CCDC141: variants seen among roughly 807,000 people sequenced by gnomAD.
The protein encoded by CCDC141 is coiled-coil domain-containing protein 141.
In CCDC141, 168 loss-of-function variants were observed where a neutral mutation model predicts 181.0. The ratio of observed to expected loss-of-function variants is 0.93; its 90% CI spans 0.82 to 1.05. The LOEUF is 1.05. CCDC141 is among the 50% of genes least tolerant of loss of function. CCDC141 has a pLI of 0.00. For missense variants in CCDC141, 1,902 were observed against 1,788.5 expected (o/e 1.06, Z -1.14); for synonymous variants, 666 against 642.3 (o/e 1.04, Z -0.56).
chr2:178,928,040 T>C (rs1230977749), intron 6 of CCDC141, among the ~76,000 whole-genome samples: 1 of 152,188 alleles, frequency 6.6e-6, no homozygotes, highest in Non-Finnish European at 1.5e-5. Flanking sequence ...TAAGGCTAAC[T>C]GGTAACAGAT....
the CCDC141 span, among the ~76,000 whole-genome samples, chr2:178,816,659 CAGTG>C: frequency 0.015 from 2,296 of 152,300 alleles, 60 homozygotes; most frequent in African/African-American, 0.052. Flanking sequence ...TTCCCACCAA[CAGTG>C]AGTGAGAGTT....
chr2:178,859,352 T>C (rs551847881), intron 17 of CCDC141, among the ~76,000 whole-genome samples: 15 of 152,110 alleles, frequency 9.9e-5, no homozygotes, highest in Non-Finnish European at 1.8e-4. Flanking sequence ...CCACATAACT[T>C]GTGGTCATAT....
At position 178,888,645 on chromosome 2, in the gene CCDC141, T is replaced by A. The variant is rs1558957239; in HGVS notation, c.1289A>T (p.Glu430Val). 1.3e-6 allele frequency: 2 copies of A among 1,550,736 alleles called. No homozygotes were observed. The highest frequency in any genetic ancestry group is 3.9e-5 in the Admixed American group (2 of 50,988). ...TCGTCTCTTAATGCACCCCATCATC[T>A]CATGGATGCCGGACACCTGAGAGCT... ...SCSSQVSGIHEMMGCIKRRVD... is the reference protein window; with the variant it reads ...SCSSQVSGIHVMMGCIKRRVD... The change falls in exon 9 of 24, where the codon GAG becomes GTG. Residue 430 changes from glutamate (E) to valine (V), a missense_variant. Coordinates refer to ENST00000443758, the MANE Select transcript of CCDC141 (RefSeq NM_173648.4).
intron 6 of CCDC141, among the ~76,000 whole-genome samples, chr2:178,934,015 C>T (rs2154376082): frequency 6.6e-6 from 1 of 152,252 alleles, no homozygotes; most frequent in East Asian, 1.9e-4. Context: ...GAAACTCCAA[C>T]ATTTTAAGAT....
intron 11 of CCDC141, among the ~76,000 whole-genome samples, chr2:178,884,677 A>AT (rs1405735050): frequency 6.6e-6 from 1 of 151,944 alleles, no homozygotes; most frequent in Non-Finnish European, 1.5e-5. Context: ...TGGGATTTTA[A>AT]TTTTTTCCCA....
intron 1 of CCDC141, among the ~76,000 whole-genome samples, chr2:179,049,411 C>T (rs997807219): frequency 5.9e-5 from 9 of 152,008 alleles, no homozygotes; most frequent in Admixed American, 4.6e-4. Flanking sequence ...CCCTGTCTGT[C>T]GGGACCTGCC....
rs371991595 is a variant in CCDC141 at position 178,868,053 on chromosome 2, G to A, written c.2547C>T (p.Val849=). ...HLHRLALSLG[V]DIISSVQRPH... ...GCCGCTGCACTGATGAGATGATGTC[G>A]ACTCCTAAGGAAAGGGCCAGTCTGT... is the stretch of plus-strand genomic sequence containing the variant. Residue 849 remains valine (V), a synonymous_variant, in exon 16 of 24, where the codon GTC becomes GTT. Coordinates refer to ENST00000443758, the MANE Select transcript of CCDC141 (RefSeq NM_173648.4). The A allele has an allele frequency of 1.4e-5, 22 of 1,613,518 alleles. No individual in the cohort carries two copies. Among genetic ancestry groups the A allele is most frequent in the East Asian group, 2.2e-5 (1 of 44,854 alleles).
intron 2 of CCDC141, among the ~76,000 whole-genome samples, chr2:179,039,849 A>G (rs2043246989): frequency 6.6e-6 from 1 of 152,216 alleles, no homozygotes; most frequent in African/African-American, 2.4e-5. Flanking sequence ...GGTTGAATTT[A>G]TGATCTATCC....
chr2:178,938,346 T>G (rs1371145669), intron 6 of CCDC141, among the ~76,000 whole-genome samples: 1 of 152,170 alleles, frequency 6.6e-6, no homozygotes, highest in Non-Finnish European at 1.5e-5. Flanking sequence ...TTAATTTCAC[T>G]AATTACCCAA....
intron 2 of CCDC141, among the ~76,000 whole-genome samples, chr2:179,038,437 G>A (rs1318010420): frequency 6.6e-6 from 1 of 152,114 alleles, no homozygotes; most frequent in Non-Finnish European, 1.5e-5. Flanking sequence ...ATACATAGTG[G>A]TGATGGTTGC....
chr2:178,821,175 G>A, the CCDC141 span, among the ~76,000 whole-genome samples: 1 of 152,052 alleles, frequency 6.6e-6, no homozygotes, highest in Non-Finnish European at 1.5e-5. Context: ...TGGGACTTTT[G>A]GGGGTGAATA....
At chr2:178,828,832 T>C (rs1684166230), downstream of CCDC141, among the ~76,000 whole-genome samples, 1 of 152,188 alleles carries the variant, frequency 6.6e-6, no homozygotes, top group Non-Finnish European at 1.5e-5. Flanking sequence ...ATTTCACTGA[T>C]TTTTTTATAC....
chr2:178,861,946 A>G (rs1030082243), intron 17 of CCDC141, among the ~76,000 whole-genome samples: 1 of 152,198 alleles, frequency 6.6e-6, no homozygotes, highest in African/African-American at 2.4e-5. Flanking sequence ...CCGTCTGTGC[A>G]AACTCTTTCT....
intron 14 of CCDC141, among the ~76,000 whole-genome samples, 191 bp from the exon 15 acceptor site, chr2:178,869,496 G>C (rs992801493): frequency 1.3e-5 from 2 of 152,122 alleles, no homozygotes; most frequent in South Asian, 4.1e-4. Flanking sequence ...ATACTCACCT[G>C]AGAAATTTAC....
At chr2:179,034,153 CTATG>C (rs2043074705) in intron 2 of CCDC141, among the ~76,000 whole-genome samples, 1 of 152,166 alleles carries the variant, frequency 6.6e-6, no homozygotes, top group African/African-American at 2.4e-5. Flanking sequence ...CCATGGAATA[CTATG>C]CAGCAATAAA....
intron 8 of CCDC141, among the ~76,000 whole-genome samples, chr2:178,898,289 T>A: frequency 6.6e-6 from 1 of 152,206 alleles, no homozygotes; most frequent in Non-Finnish European, 1.5e-5. Flanking sequence ...CCTTCCAGTT[T>A]TCCATCACGT....
At chr2:178,859,646 C>T (rs1340918861) in intron 17 of CCDC141, among the ~76,000 whole-genome samples, 4 of 152,170 alleles carry the variant, frequency 2.6e-5, no homozygotes, top group Non-Finnish European at 5.9e-5. Context: ...ATTTTCCCAT[C>T]TTTTCACATG....
Position 179,007,545 on chromosome 2 carries a change from T to C in CCDC141, c.226-28870A>G, listed in dbSNP as rs930820107. ...CTGAAGATCAGCTCTGTTTCCCCAATATCCACCTTCTGACTGCCCATTCAG... is the reference window on the plus strand; with the variant it reads ...CTGAAGATCAGCTCTGTTTCCCCAACATCCACCTTCTGACTGCCCATTCAG... On this transcript the variant is annotated intron_variant, in intron 2 of 23. Coordinates refer to ENST00000443758, the MANE Select transcript of CCDC141 (RefSeq NM_173648.4). Among the ~76,000 whole-genome samples the C allele has an allele frequency of 3.9e-5, 6 of 152,278 alleles. No individual in the cohort carries two copies. In the East Asian group the frequency reaches 7.7e-4, roughly 20 times the overall value.
intron 2 of CCDC141, among the ~76,000 whole-genome samples, chr2:179,039,576 G>A (rs2043237431): frequency 1.3e-5 from 2 of 152,038 alleles, no homozygotes. Context: ...TAAGTGTTGT[G>A]CCCAAATCAG....
Sources: gnomAD v4.1 joint callset for allele counts (sites outside exome capture counted in the v4.1 genomes callset) on GRCh38, gnomAD v4.1.1 for gene constraint, MANE v1.5 for transcripts, NCBI Gene and HGNC (gene_info 2026-07-23, HGNC 2026-07-21) for gene names.